GPR21: variants seen among roughly 807,000 people sequenced by gnomAD.
The protein encoded by GPR21 is G protein-coupled receptor 21.
GPR21 carries 9 observed loss-of-function variants against 21.5 expected under a neutral mutation model. That is an observed-to-expected ratio of 0.42 (90% CI 0.25 to 0.73). The LOEUF is 0.73. GPR21 is among the 30% of genes least tolerant of loss of function. The pLI, the probability that GPR21 is intolerant of heterozygous loss-of-function variation, is 0.27. For synonymous variants in GPR21, 169 were observed against 159.3 expected, an observed-to-expected ratio of 1.06 and a Z score of -0.46; for missense variants, 416 against 428.9, an observed-to-expected ratio of 0.97 and a Z score of 0.27.
the GPR21 span, among the ~76,000 whole-genome samples, chr9:123,045,590 T>A: frequency 6.6e-6 from 1 of 152,232 alleles, no homozygotes; most frequent in African/African-American, 2.4e-5. Flanking sequence ...GTAATCTTAA[T>A]CTGTCTGAAT....
chr9:123,044,279 C>T, the GPR21 span, among the ~76,000 whole-genome samples: 2 of 152,118 alleles, frequency 1.3e-5, no homozygotes, highest in South Asian at 2.1e-4. Context: ...AAAGGGAAAT[C>T]GGGAAGGAGG....
In GPR21 at chr9:123,034,650, C is replaced by T. The variant is rs759198644; in HGVS notation, c.84C>T (p.Cys28=). 164 of 1,613,056 alleles carry T rather than the reference C, an allele frequency of 1.0e-4. No homozygotes were observed. Among genetic ancestry groups the T allele is most frequent in the Admixed American group, 1.8e-4 (11 of 59,946 alleles). ...GCTATTTGGAAACTGTCAATTTTTG[C>T]CTTTTGGAAGTATTGATTATTGTCT... ...AFGYLETVNF[C]LLEVLIIVFL... is the part of the protein sequence containing the mutation. Residue 28 remains cysteine (C), a synonymous_variant, in exon 2 of 2, where the codon TGC becomes TGT. Transcript: ENST00000616002.
Position 123,034,986 on chromosome 9 carries a change from G to C in GPR21, c.420G>C (p.Leu140=), listed in dbSNP as rs774833273. The C allele has an allele frequency of 6.2e-7, 1 of 1,613,702 alleles. No individual in the cohort carries two copies. The part of the protein sequence containing the change: ...AITKPLTYNT[L]VTPWRLRLCI... ...CTAAACCTTTAACCTATAATACTCT[G>C]GTTACACCCTGGAGACTACGCCTGT... The change falls in exon 2 of 2, where the codon CTG becomes CTC. Residue 140 remains leucine (L), a synonymous_variant. Transcript: ENST00000616002.
At position 123,035,630 on chromosome 9, in the gene GPR21, C is replaced by A. The variant is rs367580153; in HGVS notation, c.*14C>A. The A allele has an allele frequency of 2.1e-6, 3 of 1,446,164 alleles. No homozygotes were observed. The highest frequency in any genetic ancestry group is 1.4e-5 in the African/African-American group (1 of 69,112). The allele number at this position is 1,446,164 out of a possible 1,614,324, so 89.6% of individuals were successfully genotyped here. A position where few individuals can be genotyped will look rare whatever the true frequency, so the allele number is the denominator to read the frequency against. ...TGTCATATCTGAAGTGGCTCAGTTACGGGGTTCCCGTGTGTGTGTGTGTGT... is the reference window on the plus strand; with the variant it reads ...TGTCATATCTGAAGTGGCTCAGTTAAGGGGTTCCCGTGTGTGTGTGTGTGT... On this transcript the variant is annotated 3_prime_UTR_variant, in exon 2 of 2. Transcript: ENST00000616002.
chr9:123,037,139 A>G (rs901739369), downstream of GPR21, among the ~76,000 whole-genome samples: 1 of 152,156 alleles, frequency 6.6e-6, no homozygotes. Flanking sequence ...AGATGGAAGA[A>G]ACCCAGGGGA....
the GPR21 span, among the ~76,000 whole-genome samples, chr9:123,047,929 T>G: frequency 1.4e-5 from 1 of 71,146 alleles, no homozygotes; most frequent in Non-Finnish European, 2.3e-5. Flanking sequence ...GTTTTTTTTT[T>G]TTTTTTTTTT....
chr9:123,039,671 C>A (rs578199925), downstream of GPR21, among the ~76,000 whole-genome samples: 1 of 152,074 alleles, frequency 6.6e-6, no homozygotes, highest in Non-Finnish European at 1.5e-5. Context: ...TAGCTTCGGC[C>A]CAGAGAACTT....
chr9:123,044,243 G>C, the GPR21 span, among the ~76,000 whole-genome samples: 1 of 152,120 alleles, frequency 6.6e-6, no homozygotes, highest in African/African-American at 2.4e-5. Context: ...CCACATTTAG[G>C]AAAAGAGATG....
At position 123,034,353 on chromosome 9, in the gene GPR21, C is replaced by G. The variant is rs2032487973; in HGVS notation, c.-214C>G. Reference sequence around the variant, plus strand: ...GCCGCGTCTGGGACTGGCCAGACAACTGCTGCTGGCTCTCCTTATTCCAGG... The same window carrying G: ...GCCGCGTCTGGGACTGGCCAGACAAGTGCTGCTGGCTCTCCTTATTCCAGG... On this transcript the variant is annotated 5_prime_UTR_variant, in exon 2 of 2. Coordinates refer to ENST00000616002, the MANE Select transcript of GPR21 (RefSeq NM_005294.3). 1 of 568,186 alleles carries G rather than the reference C, an allele frequency of 1.8e-6. No homozygotes were observed. The highest frequency in any genetic ancestry group is 3.1e-6 in the Non-Finnish European group (1 of 324,856). The allele number at this position is 568,186 out of a possible 1,614,324, so 35.2% of individuals were successfully genotyped here. A position where few individuals can be genotyped will look rare whatever the true frequency, so the allele number is the denominator to read the frequency against.
chr9:123,044,347 T>TA, the GPR21 span, among the ~76,000 whole-genome samples: 5 of 152,230 alleles, frequency 3.3e-5, no homozygotes, highest in African/African-American at 1.2e-4. Flanking sequence ...CTATTTTACC[T>TA]ATGGTTCTTT....
At chr9:123,042,871 T>C in the GPR21 span, among the ~76,000 whole-genome samples, 20 of 152,238 alleles carry the variant, frequency 1.3e-4, no homozygotes, top group Non-Finnish European at 2.9e-5. Context: ...CAAATTGTTA[T>C]AAAATTTCAG....
At position 123,035,245 on chromosome 9, in the gene GPR21, G is replaced by A. The variant is rs200361773; in HGVS notation, c.679G>A (p.Glu227Lys). The A allele has an allele frequency of 1.5e-5, 25 of 1,614,152 alleles. No individual in the cohort carries two copies. The South Asian group carries it at 2.3e-4, about 15-fold the overall frequency. ...ICQQHTKDISERQARFSSQSG... is the reference protein window; with the variant it reads ...ICQQHTKDISKRQARFSSQSG... ...CCAACAGCACACAAAGGATATCAGC[G>A]AAAGGCAAGCCCGCTTCAGCAGCCA... Residue 227 changes from glutamate to lysine, a missense_variant, in exon 2 of 2, where the codon GAA becomes AAA. By Grantham distance (56) the Glu-to-Lys change is moderately conservative. Transcript: ENST00000616002.
the GPR21 span, among the ~76,000 whole-genome samples, chr9:123,045,746 G>T: frequency 6.6e-6 from 1 of 152,090 alleles, no homozygotes; most frequent in Non-Finnish European, 1.5e-5. Context: ...TTTCCTCTGA[G>T]ATAAAGAGGA....
chr9:123,040,087 T>C (rs1337738473), downstream of GPR21, among the ~76,000 whole-genome samples: 1 of 152,170 alleles, frequency 6.6e-6, no homozygotes, highest in Non-Finnish European at 1.5e-5. Flanking sequence ...CAGAGAGGGA[T>C]CAAAGAAGGA....
the GPR21 span, among the ~76,000 whole-genome samples, chr9:123,048,303 A>G: frequency 5.2e-4 from 79 of 152,296 alleles, no homozygotes; most frequent in African/African-American, 1.9e-3. Context: ...CTTATTTCAG[A>G]AGAGAAGCTA....
downstream of GPR21, among the ~76,000 whole-genome samples, chr9:123,039,027 G>A (rs941957378): frequency 3.3e-5 from 5 of 152,220 alleles, 1 homozygote; most frequent in South Asian, 4.1e-4. Flanking sequence ...TGGGGCTTGC[G>A]TTAGATAATA....
At chr9:123,039,647 T>A (rs2032854761), downstream of GPR21, among the ~76,000 whole-genome samples, 1 of 152,210 alleles carries the variant, frequency 6.6e-6, no homozygotes, top group Non-Finnish European at 1.5e-5. Flanking sequence ...ATAACTTTGC[T>A]TCTGGAAACT....
downstream of GPR21, among the ~76,000 whole-genome samples, chr9:123,037,969 G>C (rs2032753385): frequency 6.6e-6 from 1 of 152,082 alleles, no homozygotes; most frequent in Admixed American, 6.6e-5. Flanking sequence ...ACTTTATATG[G>C]CATGTGACTG....
At chr9:123,036,661 G>A (rs1165213401), downstream of GPR21, among the ~76,000 whole-genome samples, 1 of 152,088 alleles carries the variant, frequency 6.6e-6, no homozygotes, top group Non-Finnish European at 1.5e-5. Context: ...CATTTTCTTT[G>A]TGGTTAAATG....
Sources: gnomAD v4.1 joint callset for allele counts (sites outside exome capture counted in the v4.1 genomes callset) on GRCh38, gnomAD v4.1.1 for gene constraint, MANE v1.5 for transcripts, NCBI Gene and HGNC (gene_info 2026-07-23, HGNC 2026-07-21) for gene names.